HSD17B12: variants seen among roughly 807,000 people sequenced by gnomAD.
HSD17B12 encodes the protein hydroxysteroid 17-beta dehydrogenase 12.
In HSD17B12, 32 loss-of-function variants were observed where a neutral mutation model predicts 39.3. The ratio of observed to expected loss-of-function variants is 0.81; its 90% CI spans 0.61 to 1.09. The LOEUF is 1.09. Ranked by LOEUF, HSD17B12 falls within the 50% of genes least tolerant of loss-of-function variation. The probability of loss-of-function intolerance (pLI) is 0.00; values close to 1 mark genes in which losing one functional copy is unlikely to be tolerated. For synonymous variants in HSD17B12, 150 were observed against 146.7 expected, an observed-to-expected ratio of 1.02 and a Z score of -0.16; for missense variants, 342 against 382.9, an observed-to-expected ratio of 0.89 and a Z score of 0.89.
the HSD17B12 span, among the ~76,000 whole-genome samples, chr11:43,572,579 T>C: frequency 6.6e-6 from 1 of 152,224 alleles, no homozygotes. Flanking sequence ...GTTTAAACGT[T>C]ATGGTCTCCA....
intron 4 of HSD17B12, among the ~76,000 whole-genome samples, chr11:43,811,096 T>G (rs988554278): frequency 2.5e-4 from 38 of 152,210 alleles, no homozygotes; most frequent in Non-Finnish European, 2.4e-4. Context: ...TCAAAGCCTG[T>G]TCTTTCTCTT....
chr11:43,672,350 AG>A, the HSD17B12 span, among the ~76,000 whole-genome samples: 1 of 152,012 alleles, frequency 6.6e-6, no homozygotes, highest in Non-Finnish European at 1.5e-5. Flanking sequence ...CTCCCGGCCT[AG>A]CCCTTCATTT....
At chr11:43,657,276 A>G in the HSD17B12 span, among the ~76,000 whole-genome samples, 3 of 151,816 alleles carry the variant, frequency 2.0e-5, no homozygotes, top group Non-Finnish European at 4.4e-5. Flanking sequence ...CCATCCCTTT[A>G]TTTTGAGCCT....
rs560060512 is a variant in HSD17B12, at chr11:43,754,758, T to A, written c.283+637T>A. The A allele has an allele frequency of 2.7e-5, 16 of 590,668 alleles. No individual in the cohort carries two copies. The East Asian group carries it at 4.6e-4, about 17-fold the overall frequency. 36.6% of individuals were successfully genotyped at this position (590,668 alleles called of 1,614,324 possible). ...GACTTCATTTCAGTATTCCTGAATGTTTTTTACTCTTTTTATCTCAGTGTT... is the reference window on the plus strand; with the variant it reads ...GACTTCATTTCAGTATTCCTGAATGATTTTTACTCTTTTTATCTCAGTGTT... On this transcript the variant is annotated intron_variant, in intron 3 of 10. Transcript: ENST00000278353.
chr11:43,652,120 A>T, the HSD17B12 span, among the ~76,000 whole-genome samples: 1 of 152,192 alleles, frequency 6.6e-6, no homozygotes, highest in African/African-American at 2.4e-5. Flanking sequence ...TTTTTTAAAA[A>T]ATAAAAAACC....
chr11:43,708,304 G>C (rs1950033844), intron 1 of HSD17B12, among the ~76,000 whole-genome samples: 1 of 152,052 alleles, frequency 6.6e-6, no homozygotes, highest in African/African-American at 2.4e-5. Flanking sequence ...ACAACAATAG[G>C]CTATTGTTTT....
chr11:43,721,128 G>C (rs1950172493), intron 1 of HSD17B12, among the ~76,000 whole-genome samples: 1 of 151,622 alleles, frequency 6.6e-6, no homozygotes, highest in South Asian at 2.1e-4. Flanking sequence ...ATTCAAGTAT[G>C]GGAAGATGGA....
intron 9 of HSD17B12, chr11:43,853,043 A>C (rs924894216): frequency 6.6e-6 from 1 of 152,294 alleles, no homozygotes; most frequent in African/African-American, 2.4e-5. Flanking sequence ...ACACGTACAT[A>C]AAAACCCAGA....
At chr11:43,563,250 T>C in the HSD17B12 span, among the ~76,000 whole-genome samples, 1 of 152,228 alleles carries the variant, frequency 6.6e-6, no homozygotes, top group Non-Finnish European at 1.5e-5. Context: ...ACATGGATGC[T>C]GCTTGCCATT....
In HSD17B12 at chr11:43,713,407, C is replaced by G. The variant is rs1364272452; in HGVS notation, c.160+32420C>G. 2.6e-5 allele frequency among the ~76,000 whole-genome samples: 4 copies of G among 151,670 alleles called. No individual in the cohort carries two copies. In the East Asian group the frequency reaches 7.8e-4, roughly 29 times the overall value. On this transcript the variant is annotated intron_variant, in intron 1 of 10. Transcript: ENST00000278353. ...GGTTTTTTGTCTTTGCGATAGTTTG[C>G]TGAGAATGATGGTTTCCAGCTTCAT...
At chr11:43,807,877 A>T (rs1590317376) in intron 4 of HSD17B12, among the ~76,000 whole-genome samples, 1 of 152,066 alleles carries the variant, frequency 6.6e-6, no homozygotes, top group Non-Finnish European at 1.5e-5. Flanking sequence ...TGCATTGAGC[A>T]CTCTTTCATG....
At chr11:43,712,765 C>T (rs1241307351) in intron 1 of HSD17B12, among the ~76,000 whole-genome samples, 2 of 152,160 alleles carry the variant, frequency 1.3e-5, no homozygotes, top group Non-Finnish European at 2.9e-5. Context: ...TGAGACCTCT[C>T]TCAGATTTTG....
chr11:43,806,841 G>A (rs937707346), intron 4 of HSD17B12, among the ~76,000 whole-genome samples: 24 of 152,120 alleles, frequency 1.6e-4, no homozygotes, highest in African/African-American at 4.3e-4. Flanking sequence ...TGTTCCTAGC[G>A]AAAGAAAAGA....
chr11:43,839,850 T>C, intron 8 of HSD17B12, 149 bp from the exon 9 acceptor site: 5 of 665,804 alleles, frequency 7.5e-6, no homozygotes, highest in Non-Finnish European at 1.0e-5. Flanking sequence ...TTCAGGTGTT[T>C]TTCTAAGTTC....
intron 3 of HSD17B12, among the ~76,000 whole-genome samples, chr11:43,756,761 A>G (rs1052678884): frequency 1.3e-5 from 2 of 152,250 alleles, no homozygotes; most frequent in African/African-American, 2.4e-5. Flanking sequence ...CAGCCTGTAC[A>G]AAGATTGCTC....
chr11:43,696,048 A>G (rs1226960164), intron 1 of HSD17B12, among the ~76,000 whole-genome samples: 2 of 152,046 alleles, frequency 1.3e-5, no homozygotes, highest in African/African-American at 4.8e-5. Context: ...CTATGTGTCC[A>G]TGTTCTCATC....
intron 6 of HSD17B12, among the ~76,000 whole-genome samples, chr11:43,826,805 C>T (rs1207332971): frequency 1.3e-5 from 2 of 152,144 alleles, no homozygotes; most frequent in African/African-American, 2.4e-5. Context: ...TCAAATTACA[C>T]AGTTTGCCAA....
chr11:43,813,945 A>C (rs1325339796), intron 4 of HSD17B12, among the ~76,000 whole-genome samples: 1 of 152,182 alleles, frequency 6.6e-6, no homozygotes, highest in Non-Finnish European at 1.5e-5. Context: ...ATAATTAAAT[A>C]TAAAACCCTT....
At chr11:43,741,879 G>A (rs1362120203) in intron 1 of HSD17B12, among the ~76,000 whole-genome samples, 8 of 149,886 alleles carry the variant, frequency 5.3e-5, no homozygotes, top group Non-Finnish European at 7.4e-5. Context: ...GACTACAGGC[G>A]CCTGCCACCA....
Sources: gnomAD v4.1 joint callset for allele counts (sites outside exome capture counted in the v4.1 genomes callset) on GRCh38, gnomAD v4.1.1 for gene constraint, MANE v1.5 for transcripts, NCBI Gene and HGNC (gene_info 2026-07-23, HGNC 2026-07-21) for gene names.